The following PABPN1 variants were observed in gnomAD, a reference collection of about 807,000 sequenced individuals.
The protein encoded by PABPN1 is poly(A) binding protein nuclear 1, also known as polyadenylate-binding protein 2.
In PABPN1, 5 loss-of-function variants were observed where a neutral mutation model predicts 33.4. That is an observed-to-expected ratio of 0.15 (90% confidence interval 0.08 to 0.32). The LOEUF (loss-of-function observed/expected upper bound fraction) is 0.32. Among genes scored for constraint, PABPN1 ranks in the 10% least tolerant of loss-of-function variants. The probability of loss-of-function intolerance (pLI) is 1.00; values close to 1 mark genes in which losing one functional copy is unlikely to be tolerated. For missense variants in PABPN1, 312 were observed against 425.8 expected (o/e 0.73, Z 2.35); for synonymous variants, 176 against 170.6 (o/e 1.03, Z -0.25).
rs748916088 is a variant in PABPN1 at position 23,323,054 on chromosome 14, C to T, written c.522C>T (p.Ile174=). 6.2e-6 allele frequency: 10 copies of T among 1,613,982 alleles called. No individual in the cohort carries two copies. The African/African-American group carries it at 9.3e-5, about 15-fold the overall frequency. ...EEKMEADARS[I]YVGNVDYGAT... is the part of the protein sequence containing the mutation. The stretch of plus-strand genomic sequence containing the variant: ...AGATGGAGGCTGATGCCCGTTCCAT[C>T]TATGTTGGCAATGTACGTACTGGGG... Residue 174 remains isoleucine (I), a synonymous_variant, in exon 3 of 7, where the codon ATC becomes ATT. Coordinates refer to ENST00000216727, the MANE Select transcript of PABPN1 (RefSeq NM_004643.4).
At chr14:23,322,833 A>T in intron 2 of PABPN1, 166 bp from the exon 3 acceptor site, 2 of 768,184 alleles carry the variant, frequency 2.6e-6, no homozygotes, top group Non-Finnish European at 2.3e-6. Flanking sequence ...AGTACCTGCT[A>T]TGCACTAGGC....
At chr14:23,323,880 G>T in intron 4 of PABPN1, 85 bp from the exon 5 acceptor site, 1 of 1,352,070 alleles carries the variant, frequency 7.4e-7, no homozygotes, top group Non-Finnish European at 1.0e-6. Context: ...CTGCATTGTA[G>T]CCCAAAACGA....
In PABPN1 at chr14:23,323,037, G is replaced by A; in HGVS notation, c.505G>A (p.Ala169Thr). The A allele has an allele frequency of 6.2e-7, 1 of 1,614,162 alleles. No individual in the cohort carries two copies. Among genetic ancestry groups the A allele is most frequent in the Non-Finnish European group, 8.5e-7 (1 of 1,180,036 alleles). The stretch of plus-strand genomic sequence containing the variant: ...CATGTCCATTGAGGAGAAGATGGAG[G>A]CTGATGCCCGTTCCATCTATGTTGG... ...VIMSIEEKME[A>T]DARSIYVGNV... Residue 169 changes from alanine to threonine, a missense_variant, in exon 3 of 7, where the codon GCT becomes ACT. Transcript: ENST00000216727.
At position 23,323,990 on chromosome 14, in the gene PABPN1, A is replaced by C; in HGVS notation, c.667A>C (p.Lys223Gln). The C allele has an allele frequency of 6.2e-7, 1 of 1,614,190 alleles. No individual in the cohort carries two copies. Among genetic ancestry groups the C allele is most frequent in the Non-Finnish European group, 8.5e-7 (1 of 1,180,024 alleles). ...KGFAYIEFSD[K>Q]ESVRTSLALD... is the part of the protein sequence containing the mutation. ...GTTTGCGTATATAGAGTTCTCAGAC[A>C]AAGAGTCAGTGAGGACTTCCTTGGC... is the stretch of plus-strand genomic sequence containing the variant. The change falls in exon 5 of 7, where the codon AAA (lysine) becomes CAA (glutamine). Residue 223 changes from lysine (K) to glutamine (Q), a missense_variant. Around this residue, in one of 3 missense-constraint regions of PABPN1, gnomAD observed 77 missense variants for 185.7 expected, o/e 0.41. Transcript: ENST00000216727.
At position 23,326,009 on chromosome 14, in the gene PABPN1, T is replaced by TTTC. The variant is rs1491131952; in HGVS notation, c.*723_*724insTTC. The stretch of plus-strand genomic sequence containing the variant: ...TTTGTTTTTTTGTTTTTTTTTTTTT[T>TTTC]CCTTTGCCTTTTTTCCCTTTTATTT... On this transcript the variant is annotated 3_prime_UTR_variant, in exon 7 of 7. Transcript: ENST00000216727. 2 of 120,408 alleles carry TTTC rather than the reference T, an allele frequency of 1.7e-5. No homozygotes were observed. Among genetic ancestry groups the TTTC allele is most frequent in the African/African-American group, 6.2e-5 (2 of 32,042 alleles). The allele number at this position is 120,408 out of a possible 1,614,324, so 7.5% of individuals were successfully genotyped here.
chr14:23,323,817 T>G (rs1029211263), intron 4 of PABPN1, 148 bp from the exon 5 acceptor site: 31 of 904,106 alleles, frequency 3.4e-5, no homozygotes, highest in Admixed American at 9.3e-5. Context: ...TTAAATGATT[T>G]CGAATGATTG....
In PABPN1 at chr14:23,325,364, GAAAA is replaced by G; in HGVS notation, c.*80_*83del. On this transcript the variant is annotated 3_prime_UTR_variant, in exon 7 of 7. Transcript: ENST00000216727. ...AAAAAAGAATTAAAAAAAAAAAAAAGAAAAACAGAAGATGACCTTGATGGAAAAA... is the reference window on the plus strand; with the variant it reads ...AAAAAAGAATTAAAAAAAAAAAAAAGACAGAAGATGACCTTGATGGAAAAA... 2 of 1,233,354 alleles carry G rather than the reference GAAAA, an allele frequency of 1.6e-6. No homozygotes were observed. The highest frequency in any genetic ancestry group is 2.2e-6 in the Non-Finnish European group (2 of 901,972). 76.4% of individuals were successfully genotyped at this position (1,233,354 alleles called of 1,614,324 possible).
intron 4 of PABPN1, among the ~76,000 whole-genome samples, chr14:23,323,694 C>T (rs111562418): frequency 2.6e-5 from 4 of 152,188 alleles, no homozygotes; most frequent in East Asian, 1.9e-4. Context: ...GGTGGGATTA[C>T]GAACTAGAAG....
intron 4 of PABPN1, among the ~76,000 whole-genome samples, chr14:23,323,695 G>C (rs568701117): frequency 6.6e-6 from 1 of 152,156 alleles, no homozygotes. Context: ...GTGGGATTAC[G>C]AACTAGAAGG....
chr14:23,325,142 T>G, intron 6 of PABPN1, 105 bp from the exon 7 acceptor site: 1 of 1,509,278 alleles, frequency 6.6e-7, no homozygotes, highest in South Asian at 1.1e-5. Flanking sequence ...ACACTTCTTT[T>G]CCCCCCTTCC....
chr14:23,321,666 C>A lies in PABPN1; in HGVS notation c.197C>A (p.Pro66Gln). 6.6e-7 allele frequency: 1 copy of A among 1,516,792 alleles called. No individual in the cohort carries two copies. Among genetic ancestry groups the A allele is most frequent in the Non-Finnish European group, 8.9e-7 (1 of 1,120,046 alleles). 94.0% of individuals were successfully genotyped at this position (1,516,792 alleles called of 1,614,324 possible). The change falls in exon 1 of 7, where the codon CCG becomes CAG. Residue 66 changes from proline to glutamine, a missense_variant. This residue lies in a region of PABPN1 where 167 missense variants were observed against 168.9 expected (regional missense o/e 0.99). Coordinates refer to ENST00000216727, the MANE Select transcript of PABPN1 (RefSeq NM_004643.4). ...EPEELLLEPEPEPEPEEEPPR... is the reference protein window; with the variant it reads ...EPEELLLEPEQEPEPEEEPPR... The stretch of plus-strand genomic sequence containing the variant: ...GAGGAGCTGCTGCTGGAGCCCGAGC[C>A]GGAGCCCGAGCCCGAAGAGGAGCCG...
intron 6 of PABPN1, chr14:23,324,920 G>T: frequency 3.1e-6 from 1 of 319,130 alleles, no homozygotes. Flanking sequence ...GAGTTAGGGA[G>T]GATCTATTTG....
chr14:23,324,091 C>T (rs1233285715), intron 5 of PABPN1, 39 bp downstream of exon 5: 2 of 1,614,134 alleles, frequency 1.2e-6, no homozygotes. Context: ...TGTGTATAAA[C>T]TCTCCAGGTT....
intron 1 of PABPN1, 107 bp downstream of exon 1, chr14:23,321,927 G>GGCCCA: frequency 2.2e-6 from 1 of 458,120 alleles, no homozygotes; most frequent in Non-Finnish European, 4.0e-6. Flanking sequence ...GTTGGGCGGG[G>GGCCCA]AATAACGTGG....
In PABPN1 at chr14:23,321,745, C is replaced by A; in HGVS notation, c.276C>A (p.Ala92=). Residue 92 remains alanine (A), a synonymous_variant, in exon 1 of 7, where the codon GCC becomes GCA. Transcript: ENST00000216727. ...GAPGPGPGSG[A]PGSQEEEEEP... ...CGGGCCCTGGGCCTGGTTCGGGAGCCCCCGGCAGCCAAGAGGAGGAGGAGG... is the reference window on the plus strand; with the variant it reads ...CGGGCCCTGGGCCTGGTTCGGGAGCACCCGGCAGCCAAGAGGAGGAGGAGG... The A allele has an allele frequency of 6.5e-7, 1 of 1,540,232 alleles. No homozygotes were observed. Among genetic ancestry groups the A allele is most frequent in the Non-Finnish European group, 8.7e-7 (1 of 1,143,162 alleles).
In PABPN1 at chr14:23,325,405, A is replaced by T. The variant is rs182814853; in HGVS notation, c.*119A>T. 3,691 of 1,285,666 alleles carry T rather than the reference A, an allele frequency of 2.9e-3. 59 individuals carry two copies. The highest frequency in any genetic ancestry group is 1.2e-3 in the Non-Finnish European group (1,139 of 945,732). The allele number at this position is 1,285,666 out of a possible 1,614,324, so 79.6% of individuals were successfully genotyped here. ...CCTTGATGGAAAAAAAATATTTTTT[A>T]AAAAAAAGATATACTGTGGAAGGGG... On this transcript the variant is annotated 3_prime_UTR_variant, in exon 7 of 7. Coordinates refer to ENST00000216727, the MANE Select transcript of PABPN1 (RefSeq NM_004643.4).
chr14:23,324,601 A>C, intron 6 of PABPN1: 1 of 527,460 alleles, frequency 1.9e-6, no homozygotes, highest in Non-Finnish European at 3.4e-6. Context: ...ACTGGGAGGA[A>C]CAGGGCCTCC....
rs1888259528 is a variant in PABPN1, at chr14:23,321,507, C to T, written c.38C>T (p.Ala13Val). The T allele has an allele frequency of 9.8e-6, 12 of 1,230,500 alleles. No individual in the cohort carries two copies. Among genetic ancestry groups the T allele is most frequent in the Non-Finnish European group, 1.0e-5 (10 of 985,402 alleles). 76.2% of individuals were successfully genotyped at this position (1,230,500 alleles called of 1,614,324 possible). The change falls in exon 1 of 7, where the codon GCT becomes GTT. Residue 13 changes from alanine to valine, a missense_variant. Around this residue, in one of 3 missense-constraint regions of PABPN1, gnomAD observed 167 missense variants for 168.9 expected, o/e 0.99. Transcript: ENST00000216727. Reference sequence around the variant, plus strand: ...GCGGCGGCGGCAGCAGCAGCGGGGGCTGCGGGCGGTCGGGGCTCCGGGCCG... The same window carrying T: ...GCGGCGGCGGCAGCAGCAGCGGGGGTTGCGGGCGGTCGGGGCTCCGGGCCG... Reference protein sequence around the residue: ...AAAAAAAAAGAAGGRGSGPGR... With the variant: ...AAAAAAAAAGVAGGRGSGPGR...
In PABPN1 at chr14:23,325,372, G is replaced by C; in HGVS notation, c.*86G>C. On this transcript the variant is annotated 3_prime_UTR_variant, in exon 7 of 7. Transcript: ENST00000216727. ...ATTAAAAAAAAAAAAAAGAAAAACA[G>C]AAGATGACCTTGATGGAAAAAAAAT... is the stretch of plus-strand genomic sequence containing the variant. 1 of 1,400,354 alleles carries C rather than the reference G, an allele frequency of 7.1e-7. No homozygotes were observed. The highest frequency in any genetic ancestry group is 9.7e-7 in the Non-Finnish European group (1 of 1,035,256). 86.7% of individuals were successfully genotyped at this position (1,400,354 alleles called of 1,614,324 possible). A position where few individuals can be genotyped will look rare whatever the true frequency, so the allele number is the denominator to read the frequency against.
Sources: gnomAD v4.1 joint callset for allele counts (sites outside exome capture counted in the v4.1 genomes callset) on GRCh38, gnomAD v4.1.1 for gene constraint, gnomAD v4.1.1 regional missense constraint, MANE v1.5 for transcripts, NCBI Gene and HGNC (gene_info 2026-07-23, HGNC 2026-07-21) for gene names.